Variants in SLIT2 observed in about 807,000 individuals in gnomAD.
SLIT2 encodes the protein slit guidance ligand 2.
SLIT2 carries 41 observed loss-of-function variants against 185.7 expected under a neutral mutation model. That is an observed-to-expected ratio of 0.22 (90% CI 0.17 to 0.29). SLIT2 has a LOEUF of 0.29. Among genes scored for constraint, SLIT2 ranks in the 10% least tolerant of loss-of-function variants. The probability of loss-of-function intolerance (pLI) is 1.00; values close to 1 mark genes in which losing one functional copy is unlikely to be tolerated. For synonymous variants in SLIT2, 693 were observed against 680.2 expected (o/e 1.02, Z -0.29); for missense variants, 1,571 against 1,909.0 (o/e 0.82, Z 3.30).
At chr4:20,571,275 A>T (rs1725581670) in intron 29 of SLIT2, among the ~76,000 whole-genome samples, 2 of 152,152 alleles carry the variant, frequency 1.3e-5, no homozygotes, top group African/African-American at 4.8e-5. Context: ...GTTTGCCTTA[A>T]TTTGGGCAAA....
chr4:20,439,984 A>G (rs1181766341), intron 4 of SLIT2, among the ~76,000 whole-genome samples: 2 of 152,312 alleles, frequency 1.3e-5, no homozygotes, highest in Admixed American at 6.5e-5. Context: ...TTTTCCATCT[A>G]TTAGGTTTAT....
rs1025143089 is a variant in SLIT2, at chr4:20,619,328, G to A, written c.*319G>A. 1 of 227,414 alleles carries A rather than the reference G, an allele frequency of 4.4e-6. No homozygotes were observed. Among genetic ancestry groups the A allele is most frequent in the East Asian group, 1.1e-4 (1 of 9,352 alleles). The allele number at this position is 227,414 out of a possible 1,614,324, so 14.1% of individuals were successfully genotyped here. A position where few individuals can be genotyped will look rare whatever the true frequency, so the allele number is the denominator to read the frequency against. ...AGCAGAAGCACATGCACGAGGGACA[G>A]AGGAGCTACTGTGCACTGCTGTGAA... On this transcript the variant is annotated 3_prime_UTR_variant, in exon 37 of 37. Coordinates refer to ENST00000504154, the MANE Select transcript of SLIT2 (RefSeq NM_004787.4).
chr4:20,616,621 T>C (rs1270369288), intron 34 of SLIT2: 2 of 288,966 alleles, frequency 6.9e-6, no homozygotes, highest in Non-Finnish European at 1.3e-5. Flanking sequence ...GTTTTATATA[T>C]TTGTGTACAT....
chr4:20,532,788 C>G (rs1160075826), intron 17 of SLIT2, among the ~76,000 whole-genome samples: 2 of 152,210 alleles, frequency 1.3e-5, no homozygotes, highest in African/African-American at 4.8e-5. Flanking sequence ...CAAATGGTTT[C>G]TGATATCTTA....
chr4:20,355,914 A>G (rs535158587), intron 4 of SLIT2, among the ~76,000 whole-genome samples: 14 of 152,230 alleles, frequency 9.2e-5, no homozygotes, highest in South Asian at 2.1e-4. Context: ...ATGTAATTCA[A>G]TTTATAAATC....
chr4:20,604,702 G>C (rs532336165), intron 33 of SLIT2, among the ~76,000 whole-genome samples: 1 of 151,932 alleles, frequency 6.6e-6, no homozygotes, highest in Non-Finnish European at 1.5e-5. Context: ...TAAAGAGATA[G>C]GCAAGAATAC....
intron 25 of SLIT2, 65 bp downstream of exon 25, chr4:20,550,963 TTCC>T (rs1723695450): frequency 2.4e-6 from 2 of 847,566 alleles, no homozygotes; most frequent in African/African-American, 3.4e-5. Context: ...ACTTGGAACA[TTCC>T]TCTGCCAGTT....
chr4:20,612,245 GA>G (rs139866324), intron 34 of SLIT2, among the ~76,000 whole-genome samples: 13,129 of 56,246 alleles, frequency 0.23, 794 homozygotes, highest in East Asian at 0.47. Context: ...ACTATCTCAA[GA>G]AAAAAAAAAA....
intron 4 of SLIT2, among the ~76,000 whole-genome samples, chr4:20,430,975 G>A (rs765175558): frequency 9.2e-5 from 14 of 152,172 alleles, no homozygotes; most frequent in Non-Finnish European, 1.9e-4. Flanking sequence ...AACTTTCTGT[G>A]TCTTAACAGA....
At chr4:20,351,147 C>T (rs1222865566) in intron 4 of SLIT2, among the ~76,000 whole-genome samples, 1 of 151,392 alleles carries the variant, frequency 6.6e-6, no homozygotes, top group Admixed American at 6.6e-5. Flanking sequence ...CTCCTGGGTT[C>T]AAGCAATTCT....
intron 4 of SLIT2, among the ~76,000 whole-genome samples, chr4:20,317,942 T>G (rs549345249): frequency 6.6e-6 from 1 of 152,150 alleles, no homozygotes; most frequent in Non-Finnish European, 1.5e-5. Context: ...ATTTCTAGCC[T>G]TATAGAAGAA....
At chr4:20,481,154 A>G (rs913208617) in intron 6 of SLIT2, among the ~76,000 whole-genome samples, 39 of 152,276 alleles carry the variant, frequency 2.6e-4, no homozygotes, top group Admixed American at 3.3e-4. Context: ...TTGTTAGGCA[A>G]TGGAAACACA....
chr4:20,456,797 A>T (rs1373104850), intron 4 of SLIT2, among the ~76,000 whole-genome samples: 2 of 152,136 alleles, frequency 1.3e-5, no homozygotes, highest in African/African-American at 4.8e-5. Flanking sequence ...TTTAAAGTCC[A>T]TCAGCCAAGA....
At chr4:20,538,117 G>A (rs1173992747) in intron 18 of SLIT2, among the ~76,000 whole-genome samples, 1 of 152,052 alleles carries the variant, frequency 6.6e-6, no homozygotes, top group Non-Finnish European at 1.5e-5. Flanking sequence ...CCGCCACCAC[G>A]CTAGGCTAAT....
At chr4:20,543,948 C>T (rs1217592935) in intron 21 of SLIT2, among the ~76,000 whole-genome samples, 1 of 151,968 alleles carries the variant, frequency 6.6e-6, no homozygotes, top group East Asian at 1.9e-4. Context: ...CGAAACCCTC[C>T]TCTGTGGGAA....
At chr4:20,336,678 A>G (rs981552589) in intron 4 of SLIT2, among the ~76,000 whole-genome samples, 1 of 152,176 alleles carries the variant, frequency 6.6e-6, no homozygotes, top group African/African-American at 2.4e-5. Flanking sequence ...CTTAAAGTAT[A>G]ATAAAGAAAA....
intron 4 of SLIT2, among the ~76,000 whole-genome samples, chr4:20,439,778 T>C (rs1224246177): frequency 1.3e-5 from 2 of 152,166 alleles, no homozygotes; most frequent in South Asian, 2.1e-4. Context: ...TCTGAACCCG[T>C]ACAAAGATTT....
chr4:20,536,070 G>A (rs1298014511), intron 18 of SLIT2, among the ~76,000 whole-genome samples: 1 of 152,104 alleles, frequency 6.6e-6, no homozygotes, highest in Non-Finnish European at 1.5e-5. Context: ...AAGTATTTGT[G>A]TATCTAAACA....
chr4:20,295,100 G>A (rs543973788), intron 4 of SLIT2, among the ~76,000 whole-genome samples: 1 of 152,256 alleles, frequency 6.6e-6, no homozygotes, highest in African/African-American at 2.4e-5. Context: ...AAGGGTTTGG[G>A]GCCAGGTATT....
Sources: gnomAD v4.1 joint callset for allele counts (sites outside exome capture counted in the v4.1 genomes callset) on GRCh38, gnomAD v4.1.1 for gene constraint, MANE v1.5 for transcripts, NCBI Gene and HGNC (gene_info 2026-07-23, HGNC 2026-07-21) for gene names.